The following PKD1 variants were observed in gnomAD, a reference collection of about 807,000 sequenced individuals.
PKD1 encodes polycystin 1, transient receptor potential channel interacting, also known as polycystin-1.
In PKD1, 81 loss-of-function variants were observed where a neutral mutation model predicts 361.7. The ratio of observed to expected loss-of-function variants is 0.22; its 90% CI spans 0.19 to 0.27. The LOEUF (loss-of-function observed/expected upper bound fraction) is 0.27. Ranked by LOEUF, PKD1 falls within the 10% of genes least tolerant of loss-of-function variation. PKD1 has a pLI of 1.00. For missense variants in PKD1, 6,399 were observed against 6,118.3 expected, an observed-to-expected ratio of 1.05 and a Z score of -1.53; for synonymous variants, 3,615 against 2,818.3, an observed-to-expected ratio of 1.28 and a Z score of -8.95.
chr16:2,107,655 T>G (rs537150982), intron 16 of PKD1: 93 of 619,022 alleles, frequency 1.5e-4, no homozygotes, highest in Admixed American at 7.2e-4. Flanking sequence ...TAGGGGACTG[T>G]GTAGCTTTTG....
chr16:2,100,523 G>C lies in PKD1; in HGVS notation c.9441C>G (p.Ser3147Arg). The C allele has an allele frequency of 6.2e-7, 1 of 1,610,496 alleles. No homozygotes were observed. The highest frequency in any genetic ancestry group is 8.5e-7 in the Non-Finnish European group (1 of 1,179,568). ...HVGIMLYGVD[S>R]RSGHRHLDGD... Reference sequence around the variant, plus strand: ...CGTCCAGGTGCCGGTGGCCGCTCCGGCTGTCCACCCCATACAGCATGATGC... The same window carrying C: ...CGTCCAGGTGCCGGTGGCCGCTCCGCCTGTCCACCCCATACAGCATGATGC... The change falls in exon 27 of 46, where the codon AGC (serine) becomes AGG (arginine). Residue 3147 changes from serine (S) to arginine (R), a missense_variant. By Grantham distance (110) the Ser-to-Arg change is moderately radical (BLOSUM62 -1). Coordinates refer to ENST00000262304, the MANE Select transcript of PKD1 (RefSeq NM_001009944.3). This position sits in a 1 kb window ranked among gnomAD's most constrained non-coding sequence, Gnocchi z 4.4.
At chr16:2,128,886 C>CA (rs2092832225) in intron 1 of PKD1, among the ~76,000 whole-genome samples, 1 of 151,386 alleles carries the variant, frequency 6.6e-6, no homozygotes, top group East Asian at 1.9e-4. Context: ...TTTTTTGAGA[C>CA]AGAGTCTCGC....
At chr16:2,104,013 G>A (rs1292961768) in intron 22 of PKD1, 118 bp from the exon 23 acceptor site, 1 of 414,866 alleles carries the variant, frequency 2.4e-6, no homozygotes, top group South Asian at 1.7e-5. Flanking sequence ...AGGGGGCAGA[G>A]AGCGAGGTGC....
Position 2,093,651 on chromosome 16 carries a change from T to C in PKD1, c.10909A>G (p.Thr3637Ala). Reference protein sequence around the residue: ...DDTLVESPAVTPVSARVPRVR... With the variant: ...DDTLVESPAVAPVSARVPRVR... ...CGGGGCACACGTGCGCTCACAGGCG[T>C]CACAGCCGGGCTCTCTACCAGGGTG... is the stretch of plus-strand genomic sequence containing the variant. Residue 3637 changes from threonine to alanine, a missense_variant, in exon 37 of 46, where the codon ACG becomes GCG. Coordinates refer to ENST00000262304, the MANE Select transcript of PKD1 (RefSeq NM_001009944.3). The C allele has an allele frequency of 6.2e-7, 1 of 1,608,636 alleles. No homozygotes were observed. The highest frequency in any genetic ancestry group is 8.5e-7 in the Non-Finnish European group (1 of 1,177,940).
chr16:2,111,252 G>T lies in PKD1; in HGVS notation c.3915C>A (p.Ile1305=). Residue 1305 remains isoleucine, a synonymous_variant, in exon 15 of 46, where the codon ATC becomes ATA. Transcript: ENST00000262304. ...EVLRVEPAAC[I]PTQPDARLTA... is the part of the protein sequence containing the mutation. ...TGAGCCGCGCGTCAGGCTGCGTGGG[G>T]ATGCAGGCGGCGGGTTCAACGCGCA... 1 of 1,610,416 alleles carries T rather than the reference G, an allele frequency of 6.2e-7. No individual in the cohort carries two copies. The highest frequency in any genetic ancestry group is 8.5e-7 in the Non-Finnish European group (1 of 1,179,606).
intron 14 of PKD1, among the ~76,000 whole-genome samples, 170 bp from the exon 15 acceptor site, chr16:2,112,041 C>T (rs1035790327): frequency 1.3e-5 from 2 of 152,226 alleles, no homozygotes; most frequent in African/African-American, 4.8e-5. Context: ...GGTGTAGCAG[C>T]ACTGAGGGCT....
chr16:2,104,443 C>G (rs890749637), intron 22 of PKD1, 55 bp downstream of exon 22: 1 of 1,357,112 alleles, frequency 7.4e-7, no homozygotes, highest in East Asian at 2.6e-5. Context: ...AGGAGGGAGG[C>G]AGAGGAAAGG....
intron 1 of PKD1, among the ~76,000 whole-genome samples, chr16:2,129,423 C>T (rs907625209): frequency 1.3e-5 from 2 of 151,880 alleles, no homozygotes; most frequent in Admixed American, 6.6e-5. Flanking sequence ...GCACCGCGCC[C>T]GGCTGGACAG....
intron 30 of PKD1, among the ~76,000 whole-genome samples, chr16:2,098,650 CTT>C (rs534616516): frequency 0.017 from 2,498 of 144,620 alleles, 12 homozygotes; most frequent in Middle Eastern, 0.062. Flanking sequence ...CATGTAACCT[CTT>C]GAGGACCCCA....
rs751642475 is a variant in PKD1, at chr16:2,111,476, C to T, written c.3691G>A (p.Val1231Ile). 5.0e-6 allele frequency: 8 copies of T among 1,611,600 alleles called. No homozygotes were observed. The highest frequency in any genetic ancestry group is 4.5e-5 in the East Asian group (2 of 44,868). Reference sequence around the variant, plus strand: ...TCGCCCGTCTGCACCGCGGCGCTGACCACCACGGGGGCGCCCTGCTCCACG... The same window carrying T: ...TCGCCCGTCTGCACCGCGGCGCTGATCACCACGGGGGCGCCCTGCTCCACG... The part of the protein sequence containing the change: ...LAVEQGAPVV[V>I]SAAVQTGDNI... Residue 1231 changes from valine to isoleucine, a missense_variant, in exon 15 of 46, where the codon GTC (valine) becomes ATC (isoleucine). Val to Ile is a conservative substitution (Grantham distance 29). Coordinates refer to ENST00000262304, the MANE Select transcript of PKD1 (RefSeq NM_001009944.3).
intron 30 of PKD1, 146 bp from the exon 31 acceptor site, chr16:2,098,130 C>T (rs957261006): frequency 9.0e-5 from 56 of 622,288 alleles, no homozygotes; most frequent in Admixed American, 6.9e-4. Flanking sequence ...ACATCTGCAC[C>T]GTCCGTGATG....
chr16:2,105,515 G>A (rs1225206228), intron 20 of PKD1, 41 bp from the exon 21 acceptor site: 1 of 1,595,062 alleles, frequency 6.3e-7, no homozygotes, highest in Non-Finnish European at 8.5e-7. Context: ...CAGCAGCGCA[G>A]GAGGCCGGCA....
In PKD1 at chr16:2,106,322, C is replaced by A. The variant is rs3952945; in HGVS notation, c.7490-18G>T. The A allele has an allele frequency of 6.2e-7, 1 of 1,606,310 alleles. No individual in the cohort carries two copies. The highest frequency in any genetic ancestry group is 1.7e-5 in the Admixed American group (1 of 59,854). ...ATGCCAGCCTGAGGGACGGTCCCCA[C>A]GGCATCACGGGAGGGCTCCGTGACG... On this transcript the variant is annotated intron_variant, in intron 18 of 45. Transcript: ENST00000262304. This position sits in a 1 kb window ranked among gnomAD's most constrained non-coding sequence, Gnocchi z 6.5.
At chr16:2,113,866 C>G (rs1376755357) in intron 11 of PKD1, 2 of 496,038 alleles carry the variant, frequency 4.0e-6, no homozygotes, top group Non-Finnish European at 7.4e-6. Flanking sequence ...CAGGCGAGAA[C>G]ACAGCAGAGG....
intron 1 of PKD1, among the ~76,000 whole-genome samples, chr16:2,134,792 T>G (rs2092930441): frequency 6.7e-6 from 1 of 150,136 alleles, no homozygotes; most frequent in African/African-American, 2.5e-5. Context: ...CCACCTGTTG[T>G]TTTTATCTCC....
chr16:2,130,171 G>C (rs1006168437), intron 1 of PKD1, among the ~76,000 whole-genome samples: 1 of 152,208 alleles, frequency 6.6e-6, no homozygotes, highest in Non-Finnish European at 1.5e-5. Context: ...CTGAACGCCC[G>C]AGTGCGGGAG....
rs1234244369 is a variant in PKD1, at chr16:2,100,709, A to G, written c.9398-143T>C. 5 of 679,186 alleles carry G rather than the reference A, an allele frequency of 7.4e-6. No individual in the cohort carries two copies. Among genetic ancestry groups the G allele is most frequent in the African/African-American group, 1.8e-5 (1 of 57,008 alleles). 42.1% of individuals were successfully genotyped at this position (679,186 alleles called of 1,614,324 possible). A position where few individuals can be genotyped will look rare whatever the true frequency, so the allele number is the denominator to read the frequency against. ...GGCTTTGCACGGCTCTGCCATACACAAGGAGCTGCGGTTACTGCAATTTGT... is the reference window on the plus strand; with the variant it reads ...GGCTTTGCACGGCTCTGCCATACACGAGGAGCTGCGGTTACTGCAATTTGT... On this transcript the variant is annotated intron_variant, in intron 26 of 45. Transcript: ENST00000262304. This position sits in a 1 kb window ranked among gnomAD's most constrained non-coding sequence, Gnocchi z 4.4.
rs1218753947 is a variant in PKD1, at chr16:2,092,514, C to T, written c.11235G>A (p.Gly3745=). 6.2e-7 allele frequency: 1 copy of T among 1,611,652 alleles called. No homozygotes were observed. Among genetic ancestry groups the T allele is most frequent in the Non-Finnish European group, 8.5e-7 (1 of 1,179,072 alleles). The stretch of plus-strand genomic sequence containing the variant: ...GCCGCACCTGCCGCAGCCGTGGGGG[C>T]CCCAGCTCTGGGCTGGACTGGTTCC... The part of the protein sequence containing the change: ...VHGNQSSPEL[G]PPRLRQVRLQ... The change falls in exon 39 of 46, where the codon GGG becomes GGA. Residue 3745 remains glycine, a synonymous_variant. Coordinates refer to ENST00000262304, the MANE Select transcript of PKD1 (RefSeq NM_001009944.3).
At chr16:2,130,328 T>A (rs897839603) in intron 1 of PKD1, among the ~76,000 whole-genome samples, 1 of 152,158 alleles carries the variant, frequency 6.6e-6, no homozygotes, top group East Asian at 1.9e-4. Flanking sequence ...GCCCTACCCC[T>A]GCCCCCGAGT....
Sources: gnomAD v4.1 joint callset for allele counts (sites outside exome capture counted in the v4.1 genomes callset) on GRCh38, gnomAD v4.1.1 for gene constraint, Gnocchi (gnomAD v3.1) non-coding constraint, MANE v1.5 for transcripts, NCBI Gene and HGNC (gene_info 2026-07-23, HGNC 2026-07-21) for gene names.